The following PARD3B variants were observed in gnomAD, a reference collection of about 807,000 sequenced individuals.
PARD3B encodes the protein partitioning defective 3 homolog B.
PARD3B carries 103 observed loss-of-function variants against 130.2 expected under a neutral mutation model. That is an observed-to-expected ratio of 0.79 (90% CI 0.67 to 0.93). The LOEUF is 0.93. Ranked by LOEUF, PARD3B falls within the 40% of genes least tolerant of loss-of-function variation. PARD3B has a pLI of 0.00. For synonymous variants in PARD3B, 583 were observed against 553.2 expected, an observed-to-expected ratio of 1.05 and a Z score of -0.76; for missense variants, 1,609 against 1,499.2, an observed-to-expected ratio of 1.07 and a Z score of -1.21.
chr2:205,450,695 C>T (rs1027391229), intron 20 of PARD3B, among the ~76,000 whole-genome samples: 3 of 151,882 alleles, frequency 2.0e-5, no homozygotes, highest in Non-Finnish European at 4.4e-5. Context: ...AGGCTGGTCT[C>T]GAACTCCTGA....
intron 3 of PARD3B, among the ~76,000 whole-genome samples, chr2:204,989,468 C>T (rs1443119166): frequency 2.0e-5 from 3 of 152,032 alleles, no homozygotes; most frequent in Non-Finnish European, 2.9e-5. Flanking sequence ...TTTTCTAAAA[C>T]TGTGGTATGT....
chr2:204,597,314 C>G (rs2033340400), intron 1 of PARD3B, among the ~76,000 whole-genome samples: 1 of 151,956 alleles, frequency 6.6e-6, no homozygotes, highest in African/African-American at 2.4e-5. Context: ...GAAATTCTCA[C>G]AAATCCTCAC....
intron 1 of PARD3B, among the ~76,000 whole-genome samples, chr2:204,633,429 G>A (rs1378579847): frequency 2.0e-5 from 3 of 152,098 alleles, no homozygotes; most frequent in Non-Finnish European, 2.9e-5. Flanking sequence ...TCTAGAAATA[G>A]CATCATATTT....
intron 18 of PARD3B, among the ~76,000 whole-genome samples, chr2:205,382,724 G>A (rs541590226): frequency 3.3e-4 from 50 of 151,834 alleles, no homozygotes; most frequent in African/African-American, 1.1e-3. Context: ...GTCTCTATTC[G>A]CTTAGTTATG....
At chr2:205,615,368 CA>C (rs2055388883) in intron 22 of PARD3B, 87 bp from the exon 23 acceptor site, 1 of 1,167,736 alleles carries the variant, frequency 8.6e-7, no homozygotes, top group Non-Finnish European at 1.2e-6. Context: ...GTGGCCACAC[CA>C]AACTGCACAG....
chr2:205,509,962 G>C (rs1193966803), intron 21 of PARD3B, among the ~76,000 whole-genome samples: 1 of 152,184 alleles, frequency 6.6e-6, no homozygotes, highest in Admixed American at 6.5e-5. Context: ...TGATAAGATA[G>C]CTCTTCTAAA....
intron 21 of PARD3B, among the ~76,000 whole-genome samples, chr2:205,539,529 A>G (rs1381368353): frequency 7.9e-5 from 12 of 152,190 alleles, no homozygotes; most frequent in African/African-American, 2.4e-4. Context: ...CTTCAAAGCC[A>G]GCCATTGCTG....
In PARD3B at chr2:205,572,163, A is replaced by G. The variant is rs1161683744; in HGVS notation, c.3260+18760A>G. On this transcript the variant is annotated intron_variant, in intron 22 of 22. Coordinates refer to ENST00000406610, the MANE Select transcript of PARD3B (RefSeq NM_001302769.2). This position sits in a 1 kb window ranked among gnomAD's most constrained non-coding sequence, Gnocchi z 4.2. ...GCCAGCACTGAGGAAGTATTCTTCC[A>G]TAAAACACAGTTCTTATCTCTAGGG... 6.6e-6 allele frequency among the ~76,000 whole-genome samples: 1 copy of G among 152,238 alleles called. No individual in the cohort carries two copies. Among genetic ancestry groups the G allele is most frequent in the Non-Finnish European group, 1.5e-5 (1 of 68,038 alleles).
In PARD3B at chr2:205,053,862, G is replaced by A. The variant is rs6435269; in HGVS notation, c.504+6172G>A. ...GAGAAATAGCATGTAATATACTACT[G>A]CATTATTTAGAGATACTGAAACTAT... On this transcript the variant is annotated intron_variant, in intron 4 of 22. Coordinates refer to ENST00000406610, the MANE Select transcript of PARD3B (RefSeq NM_001302769.2). 6.4e-3 allele frequency among the ~76,000 whole-genome samples: 975 copies of A among 151,838 alleles called. 14 individuals carry two copies. The highest frequency in any genetic ancestry group is 0.023 in the African/African-American group (940 of 41,376).
chr2:205,476,426 C>T (rs941642396), intron 20 of PARD3B, among the ~76,000 whole-genome samples: 1 of 152,066 alleles, frequency 6.6e-6, no homozygotes, highest in East Asian at 1.9e-4. Context: ...TTTCAATCAC[C>T]ACCCTTAATG....
chr2:205,441,293 A>C (rs1019022734), intron 20 of PARD3B, among the ~76,000 whole-genome samples: 1 of 152,200 alleles, frequency 6.6e-6, no homozygotes, highest in Non-Finnish European at 1.5e-5. Flanking sequence ...CTAAGGAGAG[A>C]GATAATAGGA....
chr2:204,965,231 C>A lies in PARD3B; in HGVS notation c.302C>A (p.Pro101Gln), dbSNP rs1559306829. The change falls in exon 3 of 23, where the codon CCA becomes CAA. Residue 101 changes from proline (P) to glutamine (Q), a missense_variant. Coordinates refer to ENST00000406610, the MANE Select transcript of PARD3B (RefSeq NM_001302769.2). Reference protein sequence around the residue: ...PSGNPADRQSPDAFETEVAAQ... With the variant: ...PSGNPADRQSQDAFETEVAAQ... The stretch of plus-strand genomic sequence containing the variant: ...GGAAACCCTGCAGATCGGCAGAGCC[C>A]AGATGCTTTTGAGACAGAAGTGGCC... 6.2e-7 allele frequency: 1 copy of A among 1,613,800 alleles called. No homozygotes were observed. Among genetic ancestry groups the A allele is most frequent in the Admixed American group, 1.7e-5 (1 of 59,950 alleles).
chr2:204,860,305 C>T (rs1442347969), intron 2 of PARD3B, among the ~76,000 whole-genome samples: 5 of 152,064 alleles, frequency 3.3e-5, no homozygotes, highest in African/African-American at 9.7e-5. Context: ...GTGTTTGTGA[C>T]GATTACCAAG....
At chr2:205,484,938 C>T (rs912810755) in intron 20 of PARD3B, among the ~76,000 whole-genome samples, 2 of 152,138 alleles carry the variant, frequency 1.3e-5, no homozygotes, top group African/African-American at 4.8e-5. Context: ...TTATAGAGTT[C>T]AATTGTCAGC....
chr2:205,567,774 T>C (rs544044635), intron 22 of PARD3B, among the ~76,000 whole-genome samples: 1 of 146,244 alleles, frequency 6.8e-6, no homozygotes, highest in East Asian at 2.1e-4. Flanking sequence ...GAGACAGGGA[T>C]TTGAGAGCAA....
chr2:204,913,462 T>A (rs1272297455), intron 2 of PARD3B, among the ~76,000 whole-genome samples: 1 of 152,162 alleles, frequency 6.6e-6, no homozygotes, highest in African/African-American at 2.4e-5. Flanking sequence ...GGTTCCCAAA[T>A]GAGCTGTAGT....
chr2:205,210,118 C>A (rs2125846259), intron 15 of PARD3B, among the ~76,000 whole-genome samples: 1 of 152,098 alleles, frequency 6.6e-6, no homozygotes, highest in East Asian at 1.9e-4. Flanking sequence ...ATAATCTCAG[C>A]ACTTTGAGAG....
At chr2:205,314,907 C>A (rs1054805069) in intron 18 of PARD3B, among the ~76,000 whole-genome samples, 4 of 152,150 alleles carry the variant, frequency 2.6e-5, no homozygotes, top group African/African-American at 2.4e-5. Flanking sequence ...ATGCCTCCCC[C>A]TTCCCATCTC....
At chr2:204,843,918 G>C (rs539689176) in intron 2 of PARD3B, among the ~76,000 whole-genome samples, 1 of 151,826 alleles carries the variant, frequency 6.6e-6, no homozygotes, top group African/African-American at 2.4e-5. Flanking sequence ...ATTTTTTTGC[G>C]ACCTGACATC....
Sources: gnomAD v4.1 joint callset for allele counts (sites outside exome capture counted in the v4.1 genomes callset) on GRCh38, gnomAD v4.1.1 for gene constraint, Gnocchi (gnomAD v3.1) non-coding constraint, MANE v1.5 for transcripts, NCBI Gene and HGNC (gene_info 2026-07-23, HGNC 2026-07-21) for gene names.